The following ZDHHC18 variants were observed in gnomAD, a reference collection of about 807,000 sequenced individuals.
The protein encoded by ZDHHC18 is zDHHC palmitoyltransferase 18.
A neutral mutation model predicts 37.5 loss-of-function variants in ZDHHC18; 23 were observed. The observed-to-expected ratio is 0.61, with a 90% CI of 0.44 to 0.87. The LOEUF (loss-of-function observed/expected upper bound fraction) is 0.87. ZDHHC18 is among the 40% of genes least tolerant of loss of function. The probability of loss-of-function intolerance (pLI) is 0.00; values close to 1 mark genes in which losing one functional copy is unlikely to be tolerated. For missense variants in ZDHHC18, 406 were observed against 525.6 expected (o/e 0.77, Z 2.22); for synonymous variants, 185 against 218.7 (o/e 0.85, Z 1.36).
At chr1:26,836,053 T>TCCTG (rs2081609959) in intron 2 of ZDHHC18, among the ~76,000 whole-genome samples, 1 of 152,202 alleles carries the variant, frequency 6.6e-6, no homozygotes, top group East Asian at 1.9e-4. Context: ...TCATCTGAGA[T>TCCTG]CCTGTCTTGC....
chr1:26,855,386 G>A lies in ZDHHC18; in HGVS notation c.*1543G>A, dbSNP rs2081728807. 1 of 152,642 alleles carries A rather than the reference G, an allele frequency of 6.6e-6. No individual in the cohort carries two copies. The highest frequency in any genetic ancestry group is 2.1e-4 in the South Asian group (1 of 4,832). 9.5% of individuals were successfully genotyped at this position (152,642 alleles called of 1,614,324 possible). A position where few individuals can be genotyped will look rare whatever the true frequency, so the allele number is the denominator to read the frequency against. On this transcript the variant is annotated 3_prime_UTR_variant, in exon 8 of 8. Transcript: ENST00000374142. ...TCAGAGGATGTTTCTCCTCTGCTGG[G>A]AGCTGTAGTTTCTTATCAAAATAGA...
chr1:26,833,506 G>A (rs538953570), intron 2 of ZDHHC18, among the ~76,000 whole-genome samples: 1 of 152,262 alleles, frequency 6.6e-6, no homozygotes, highest in South Asian at 2.1e-4. Context: ...GAAAAGTAAG[G>A]CCAAAGCCCA....
chr1:26,830,737 A>G (rs1490197653), intron 1 of ZDHHC18, among the ~76,000 whole-genome samples: 2 of 151,372 alleles, frequency 1.3e-5, no homozygotes, highest in East Asian at 1.9e-4. Flanking sequence ...CATAGTCTAT[A>G]CCCACAGAGG....
Position 26,850,704 on chromosome 1 carries a change from C to G in ZDHHC18, c.833+98C>G. ...CCTCTAATCAGAAGGGAACAGCGTA[C>G]AGCTCACATGTGTCCTCCAGAATCC... is the stretch of plus-strand genomic sequence containing the variant. On this transcript the variant is annotated intron_variant, in intron 5 of 7. Coordinates refer to ENST00000374142, the MANE Select transcript of ZDHHC18 (RefSeq NM_032283.3). The surrounding 1 kb of genome is among the most constrained non-coding windows in gnomAD (Gnocchi z 6.1). 7.3e-7 allele frequency: 1 copy of G among 1,367,102 alleles called. No individual in the cohort carries two copies. 84.7% of individuals were successfully genotyped at this position (1,367,102 alleles called of 1,614,324 possible).
rs1452955185 is a variant in ZDHHC18, at chr1:26,855,910, C to T, written c.*2067C>T. 5 of 234,834 alleles carry T rather than the reference C, an allele frequency of 2.1e-5. No homozygotes were observed. Among genetic ancestry groups the T allele is most frequent in the Admixed American group, 9.0e-5 (2 of 22,274 alleles). The allele number at this position is 234,834 out of a possible 1,614,324, so 14.5% of individuals were successfully genotyped here. Reference sequence around the variant, plus strand: ...GCTGGAGGAAGAGCAGAGAGGGCTGCGGCTGAGCCCCCATGGGCACGTGAA... The same window carrying T: ...GCTGGAGGAAGAGCAGAGAGGGCTGTGGCTGAGCCCCCATGGGCACGTGAA... On this transcript the variant is annotated 3_prime_UTR_variant, in exon 8 of 8. Coordinates refer to ENST00000374142, the MANE Select transcript of ZDHHC18 (RefSeq NM_032283.3).
Position 26,854,260 on chromosome 1 carries a change from G to GCCA in ZDHHC18, c.*418_*419insCAC. On this transcript the variant is annotated 3_prime_UTR_variant, in exon 8 of 8. Coordinates refer to ENST00000374142, the MANE Select transcript of ZDHHC18 (RefSeq NM_032283.3). This position sits in a 1 kb window ranked among gnomAD's most constrained non-coding sequence, Gnocchi z 4.6. ...ACTGAGGAGTGGCCAGCTCTGGATAGCTGGCTGTGGAGAGGAAGCCTCCAT... is the reference window on the plus strand; with the variant it reads ...ACTGAGGAGTGGCCAGCTCTGGATAGCCACTGGCTGTGGAGAGGAAGCCTCCAT... The GCCA allele has an allele frequency of 6.2e-6, 1 of 161,304 alleles. No individual in the cohort carries two copies. The highest frequency in any genetic ancestry group is 3.0e-3 in the Middle Eastern group (1 of 338). The allele number at this position is 161,304 out of a possible 1,614,324, so 10.0% of individuals were successfully genotyped here.
rs1275535420 is a variant in ZDHHC18, at chr1:26,854,203, T to A, written c.*360T>A. 2 of 207,404 alleles carry A rather than the reference T, an allele frequency of 9.6e-6. No individual in the cohort carries two copies. The highest frequency in any genetic ancestry group is 2.0e-5 in the Non-Finnish European group (2 of 101,098). 12.8% of individuals were successfully genotyped at this position (207,404 alleles called of 1,614,324 possible). A position where few individuals can be genotyped will look rare whatever the true frequency, so the allele number is the denominator to read the frequency against. On this transcript the variant is annotated 3_prime_UTR_variant, in exon 8 of 8. Coordinates refer to ENST00000374142, the MANE Select transcript of ZDHHC18 (RefSeq NM_032283.3). The surrounding 1 kb of genome is among the most constrained non-coding windows in gnomAD (Gnocchi z 4.6). ...CCCAGGTGGGGGAACTGCTTGGGCC[T>A]TGCTGAGCCAGGGTCCTCAGGGTGA... is the stretch of plus-strand genomic sequence containing the variant.
rs567599394 is a variant in ZDHHC18, at chr1:26,854,041, T to G, written c.*198T>G. Reference sequence around the variant, plus strand: ...TCCCCAAACCCAGGTTCCCACAGCCTTGGGCCCTAGGTACCCCAGCTGATC... The same window carrying G: ...TCCCCAAACCCAGGTTCCCACAGCCGTGGGCCCTAGGTACCCCAGCTGATC... On this transcript the variant is annotated 3_prime_UTR_variant, in exon 8 of 8. Coordinates refer to ENST00000374142, the MANE Select transcript of ZDHHC18 (RefSeq NM_032283.3). This position sits in a 1 kb window ranked among gnomAD's most constrained non-coding sequence, Gnocchi z 4.6. 5.0e-6 allele frequency: 3 copies of G among 597,416 alleles called. No individual in the cohort carries two copies. Among genetic ancestry groups the G allele is most frequent in the Non-Finnish European group, 8.9e-6 (3 of 337,120 alleles). 37.0% of individuals were successfully genotyped at this position (597,416 alleles called of 1,614,324 possible). A position where few individuals can be genotyped will look rare whatever the true frequency, so the allele number is the denominator to read the frequency against.
rs71007896 is a variant in ZDHHC18, at chr1:26,845,320, C to CTTTTT, written c.497-3260_497-3256dup. Among the ~76,000 whole-genome samples, 426 of 45,252 alleles carry CTTTTT rather than the reference C, an allele frequency of 9.4e-3. 71 individuals carry two copies. Among genetic ancestry groups the CTTTTT allele is most frequent in the Non-Finnish European group, 0.012 (311 of 26,370 alleles). 29.7% of individuals were successfully genotyped at this position (45,252 alleles called of 152,430 possible). On this transcript the variant is annotated intron_variant, in intron 2 of 7. Transcript: ENST00000374142. ...CTGCTCTAAAGGTTACTTCTTCATT[C>CTTTTT]TTTTTTTTTTTTTTTTTTTTTTTTT...
At chr1:26,852,494 C>T (rs530923863) in intron 6 of ZDHHC18, among the ~76,000 whole-genome samples, 3 of 152,246 alleles carry the variant, frequency 2.0e-5, no homozygotes, top group Middle Eastern at 3.4e-3. Context: ...AGTGGCTGGC[C>T]GGAGAAGGGA....
intron 3 of ZDHHC18, 123 bp downstream of exon 3, chr1:26,848,880 G>T: frequency 2.2e-6 from 3 of 1,395,214 alleles, no homozygotes; most frequent in Non-Finnish European, 2.9e-6. Context: ...CTGGGCAGGG[G>T]GTCTGGTTCA....
intron 2 of ZDHHC18, among the ~76,000 whole-genome samples, chr1:26,842,266 T>A (rs1224346719): frequency 6.6e-6 from 1 of 152,116 alleles, no homozygotes; most frequent in African/African-American, 2.4e-5. Flanking sequence ...CATGAGCCAC[T>A]ATGCTTGGCC....
At chr1:26,832,336 T>C in intron 1 of ZDHHC18, 111 bp from the exon 2 acceptor site, 1 of 1,391,614 alleles carries the variant, frequency 7.2e-7, no homozygotes, top group Non-Finnish European at 1.0e-6. Context: ...GAGGCTGTAT[T>C]CAAGATTTTG....
intron 1 of ZDHHC18, among the ~76,000 whole-genome samples, chr1:26,828,810 C>T (rs2081571106): frequency 6.6e-6 from 1 of 151,476 alleles, no homozygotes; most frequent in African/African-American, 2.4e-5. Context: ...CTTCCCTGGG[C>T]TGGCCACATG....
intron 2 of ZDHHC18, among the ~76,000 whole-genome samples, chr1:26,842,150 AG>A (rs771177553): frequency 0.1 from 14,766 of 144,216 alleles, 937 homozygotes; most frequent in African/African-American, 0.18. Context: ...AAAAAAAAAA[AG>A]AGAGAGAGAG....
At chr1:26,851,779 G>C (rs772045705) in intron 6 of ZDHHC18, among the ~76,000 whole-genome samples, 1 of 152,202 alleles carries the variant, frequency 6.6e-6, no homozygotes, top group Non-Finnish European at 1.5e-5. Context: ...GCACTGGCCT[G>C]TCCTGGCTGC....
At chr1:26,853,233 T>G (rs1276992294) in intron 7 of ZDHHC18, 3 of 261,004 alleles carry the variant, frequency 1.1e-5, no homozygotes, top group Non-Finnish European at 2.2e-5. Context: ...CCCTGGGGAC[T>G]CAGCCCTGCT....
intron 1 of ZDHHC18, among the ~76,000 whole-genome samples, chr1:26,829,922 T>C (rs2081579976): frequency 6.6e-6 from 1 of 152,010 alleles, no homozygotes; most frequent in South Asian, 2.1e-4. Context: ...GTCTTCTCTG[T>C]CCCCCCACAC....
Position 26,850,692 on chromosome 1 carries a change from G to A in ZDHHC18, c.833+86G>A. The stretch of plus-strand genomic sequence containing the variant: ...GCCCTGCCTCATCCTCTAATCAGAA[G>A]GGAACAGCGTACAGCTCACATGTGT... On this transcript the variant is annotated intron_variant, in intron 5 of 7. Coordinates refer to ENST00000374142, the MANE Select transcript of ZDHHC18 (RefSeq NM_032283.3). The surrounding 1 kb of genome is among the most constrained non-coding windows in gnomAD (Gnocchi z 6.1). 1 of 1,465,712 alleles carries A rather than the reference G, an allele frequency of 6.8e-7. No individual in the cohort carries two copies. Among genetic ancestry groups the A allele is most frequent in the South Asian group, 1.2e-5 (1 of 85,562 alleles). The allele number at this position is 1,465,712 out of a possible 1,614,324, so 90.8% of individuals were successfully genotyped here.
Sources: gnomAD v4.1 joint callset for allele counts (sites outside exome capture counted in the v4.1 genomes callset) on GRCh38, gnomAD v4.1.1 for gene constraint, Gnocchi (gnomAD v3.1) non-coding constraint, MANE v1.5 for transcripts, NCBI Gene and HGNC (gene_info 2026-07-23, HGNC 2026-07-21) for gene names.